DAPK1: variants seen among roughly 807,000 people sequenced by gnomAD.
The protein encoded by DAPK1 is death-associated protein kinase 1.
DAPK1 carries 56 observed loss-of-function variants against 144.9 expected under a neutral mutation model. The observed-to-expected ratio is 0.39, with a 90% CI of 0.31 to 0.48. The LOEUF (loss-of-function observed/expected upper bound fraction) is 0.48. DAPK1 is among the 20% of genes least tolerant of loss of function. The probability of loss-of-function intolerance (pLI) is 0.95; values close to 1 mark genes in which losing one functional copy is unlikely to be tolerated. For missense variants in DAPK1, 1,454 were observed against 1,875.4 expected (o/e 0.78, Z 4.15); for synonymous variants, 690 against 749.0 (o/e 0.92, Z 1.29).
intron 2 of DAPK1, among the ~76,000 whole-genome samples, chr9:87,503,125 G>A (rs748112081): frequency 8.5e-5 from 13 of 152,230 alleles, no homozygotes; most frequent in Middle Eastern, 3.4e-3. Flanking sequence ...AATTACAGAC[G>A]TGGCTTTAAA....
intron 2 of DAPK1, among the ~76,000 whole-genome samples, chr9:87,528,765 G>T: frequency 2.1e-5 from 1 of 46,628 alleles, no homozygotes; most frequent in Admixed American, 2.2e-4. Context: ...CCAGCTACTC[G>T]GGAGGCTGAG....
chr9:87,658,661 C>T (rs1441194379), intron 18 of DAPK1, among the ~76,000 whole-genome samples: 2 of 152,192 alleles, frequency 1.3e-5, no homozygotes, highest in African/African-American at 2.4e-5. Context: ...TCCCTGCTCC[C>T]GATGCCAGAC....
At chr9:87,562,245 T>C (rs1482734960) in intron 2 of DAPK1, among the ~76,000 whole-genome samples, 1 of 152,206 alleles carries the variant, frequency 6.6e-6, no homozygotes, top group Non-Finnish European at 1.5e-5. Context: ...TGAGTTAGGA[T>C]GGGCAAAGTC....
At chr9:87,643,604 G>T in intron 11 of DAPK1, 136 bp downstream of exon 11, 2 of 606,052 alleles carry the variant, frequency 3.3e-6, no homozygotes, top group Non-Finnish European at 5.8e-6. Context: ...CCCTCGGAGG[G>T]GTTTGGGGGT....
intron 2 of DAPK1, among the ~76,000 whole-genome samples, chr9:87,595,173 TG>T (rs1828270095): frequency 6.6e-6 from 1 of 152,228 alleles, no homozygotes; most frequent in South Asian, 2.1e-4. Context: ...ACCAAAAATA[TG>T]TAAGGAAGGA....
chr9:87,529,362 G>A (rs942036560), intron 2 of DAPK1, among the ~76,000 whole-genome samples: 8 of 152,120 alleles, frequency 5.3e-5, no homozygotes, highest in African/African-American at 1.9e-4. Context: ...ATACAGATTC[G>A]CTTCCAGTAA....
chr9:87,542,408 G>A (rs1325998541), intron 2 of DAPK1, among the ~76,000 whole-genome samples: 1 of 152,124 alleles, frequency 6.6e-6, no homozygotes, highest in African/African-American at 2.4e-5. Context: ...ACAGAGTAAG[G>A]AATAAAGTCA....
Position 87,498,037 on chromosome 9 carries a change from TCCGGCGC to T in DAPK1, c.-178_-172del. On this transcript the variant is annotated 5_prime_UTR_variant, in exon 1 of 26. Transcript: ENST00000408954. ...GTTCCCGCCGCCGCCCCGGCTAGTC[TCCGGCGC>T]TGGCGCCTATGGTCGGCCTCCGACA... 4 of 397,838 alleles carry T rather than the reference TCCGGCGC, an allele frequency of 1.0e-5. No individual in the cohort carries two copies. Among genetic ancestry groups the T allele is most frequent in the African/African-American group, 8.2e-5 (4 of 48,686 alleles). 24.6% of individuals were successfully genotyped at this position (397,838 alleles called of 1,614,324 possible). A position where few individuals can be genotyped will look rare whatever the true frequency, so the allele number is the denominator to read the frequency against.
Position 87,616,423 on chromosome 9 carries a change from G to T in DAPK1, c.284+11248G>T, listed in dbSNP as rs1462528778. Among the ~76,000 whole-genome samples, 3 of 152,174 alleles carry T rather than the reference G, an allele frequency of 2.0e-5. No homozygotes were observed. The East Asian group carries it at 5.8e-4, about 29-fold the overall frequency. On this transcript the variant is annotated intron_variant, in intron 3 of 25. Coordinates refer to ENST00000408954, the MANE Select transcript of DAPK1 (RefSeq NM_004938.4). ...AGGATCTGAAAAAGAGTCACGTGTG[G>T]CTCAAGAACCAGTTAGTTGACCAGG...
At chr9:87,677,502 A>G (rs572728118) in intron 19 of DAPK1, among the ~76,000 whole-genome samples, 1 of 152,180 alleles carries the variant, frequency 6.6e-6, no homozygotes, top group Non-Finnish European at 1.5e-5. Flanking sequence ...ATCCACAGGC[A>G]CAAAACAGGA....
chr9:87,593,857 G>T (rs1828223636), intron 2 of DAPK1, among the ~76,000 whole-genome samples: 1 of 152,200 alleles, frequency 6.6e-6, no homozygotes, highest in Non-Finnish European at 1.5e-5. Flanking sequence ...GACAAAGTCA[G>T]GATGATCAAA....
chr9:87,676,210 C>T lies in DAPK1; in HGVS notation c.2002-5194C>T, dbSNP rs540983514. ...GGCCCGACCAGCCTGGGCTTCGTGC[C>T]AGCCAGGTCTCAGGGTTGTCTTGTA... On this transcript the variant is annotated intron_variant, in intron 19 of 25. Transcript: ENST00000408954. 2.0e-5 allele frequency among the ~76,000 whole-genome samples: 3 copies of T among 152,376 alleles called. No homozygotes were observed. The East Asian group carries it at 5.8e-4, about 29-fold the overall frequency.
chr9:87,583,624 C>T (rs974141539), intron 2 of DAPK1, among the ~76,000 whole-genome samples: 30 of 152,190 alleles, frequency 2.0e-4, no homozygotes, highest in Admixed American at 1.6e-3. Flanking sequence ...TTCATCTCCC[C>T]ACTGTCATAA....
intron 2 of DAPK1, among the ~76,000 whole-genome samples, chr9:87,594,358 G>A (rs769858801): frequency 3.3e-5 from 5 of 152,178 alleles, no homozygotes; most frequent in South Asian, 2.1e-4. Flanking sequence ...TGCAGTTCAC[G>A]TATCCTTTAG....
intron 18 of DAPK1, among the ~76,000 whole-genome samples, chr9:87,663,767 C>G (rs11141935): frequency 0.065 from 9,878 of 152,084 alleles, 984 homozygotes; most frequent in African/African-American, 0.22. Flanking sequence ...GGCCCTCGGC[C>G]CCCCCACACC....
At chr9:87,546,024 T>C (rs1003542854) in intron 2 of DAPK1, among the ~76,000 whole-genome samples, 53 of 152,190 alleles carry the variant, frequency 3.5e-4, no homozygotes, top group African/African-American at 1.2e-3. Flanking sequence ...GTACTTCCCA[T>C]AGCATAGAGG....
chr9:87,599,104 A>G (rs1333770464), intron 2 of DAPK1, among the ~76,000 whole-genome samples: 1 of 152,166 alleles, frequency 6.6e-6, no homozygotes, highest in East Asian at 1.9e-4. Flanking sequence ...TCACAGTGAG[A>G]TGTCTTGTAT....
chr9:87,705,240 ATTTT>A (rs200565337), intron 25 of DAPK1, among the ~76,000 whole-genome samples: 28 of 128,692 alleles, frequency 2.2e-4, no homozygotes, highest in Admixed American at 6.3e-4. Context: ...TAATTAATTA[ATTTT>A]TTTTTTTTTT....
At chr9:87,605,671 T>G (rs1828691369) in intron 3 of DAPK1, among the ~76,000 whole-genome samples, 3 of 152,128 alleles carry the variant, frequency 2.0e-5, no homozygotes, top group Non-Finnish European at 4.4e-5. Flanking sequence ...TGGGTAAAAT[T>G]GAGCCAGAAT....
Sources: allele counts gnomAD v4.1 joint callset (sites outside exome capture counted in the v4.1 genomes callset), GRCh38; gene constraint gnomAD v4.1.1; transcripts MANE v1.5; gene names NCBI Gene and HGNC (gene_info 2026-07-23, HGNC 2026-07-21).